The following CDH12 variants were observed in gnomAD, a reference collection of about 807,000 sequenced individuals.
CDH12 encodes cadherin-12.
CDH12 carries 41 observed loss-of-function variants against 74.1 expected under a neutral mutation model. That is an observed-to-expected ratio of 0.55 (90% confidence interval 0.43 to 0.72). The LOEUF (loss-of-function observed/expected upper bound fraction) is 0.72, where lower values mean the gene tolerates loss of function less well. Among genes scored for constraint, CDH12 ranks in the 30% least tolerant of loss-of-function variants. The pLI is 0.00. For synonymous variants in CDH12, 399 were observed against 355.0 expected, an observed-to-expected ratio of 1.12 and a Z score of -1.39; for missense variants, 945 against 977.2, an observed-to-expected ratio of 0.97 and a Z score of 0.44.
chr5:22,624,817 C>A (rs1580827442), intron 1 of CDH12, among the ~76,000 whole-genome samples: 1 of 152,222 alleles, frequency 6.6e-6, no homozygotes, highest in East Asian at 1.9e-4. Context: ...TGGGTATATA[C>A]CCAAAGGATT....
At chr5:22,632,773 A>G (rs796706477) in intron 1 of CDH12, among the ~76,000 whole-genome samples, 12 of 152,250 alleles carry the variant, frequency 7.9e-5, no homozygotes, top group African/African-American at 2.9e-4. Flanking sequence ...ATGGCTGAAA[A>G]CATCCTAAAT....
intron 2 of CDH12, among the ~76,000 whole-genome samples, chr5:22,490,498 A>G (rs979857299): frequency 5.3e-5 from 8 of 152,136 alleles, no homozygotes; most frequent in African/African-American, 1.7e-4. Context: ...TGAGAAAGAG[A>G]AAGTGCTGAT....
At chr5:22,475,553 A>G (rs1165061259) in intron 2 of CDH12, among the ~76,000 whole-genome samples, 1 of 152,144 alleles carries the variant, frequency 6.6e-6, no homozygotes, top group African/African-American at 2.4e-5. Context: ...TATAGTTTCT[A>G]TTTCATATTA....
At chr5:21,977,411 T>A (rs1443085858) in intron 5 of CDH12, among the ~76,000 whole-genome samples, 1 of 152,102 alleles carries the variant, frequency 6.6e-6, no homozygotes, top group Non-Finnish European at 1.5e-5. Flanking sequence ...TCCTTTTGCT[T>A]TCAAATTTAT....
At chr5:22,306,395 A>G (rs1738116129) in intron 3 of CDH12, among the ~76,000 whole-genome samples, 1 of 152,152 alleles carries the variant, frequency 6.6e-6, no homozygotes, top group Non-Finnish European at 1.5e-5. Flanking sequence ...AGAGAGAGAG[A>G]GAGATTACAG....
intron 1 of CDH12, among the ~76,000 whole-genome samples, chr5:22,561,006 A>G (rs1278276725): frequency 1.3e-5 from 2 of 152,192 alleles, no homozygotes; most frequent in African/African-American, 4.8e-5. Flanking sequence ...GCTCTTTGCC[A>G]CATCACAAAT....
chr5:22,391,557 G>A (rs1742249668), intron 3 of CDH12, among the ~76,000 whole-genome samples: 1 of 151,752 alleles, frequency 6.6e-6, no homozygotes, highest in African/African-American at 2.4e-5. Context: ...CATTTTTTAT[G>A]CCAATACGTT....
intron 1 of CDH12, among the ~76,000 whole-genome samples, chr5:22,644,478 A>T (rs1439298204): frequency 6.6e-6 from 1 of 152,066 alleles, no homozygotes; most frequent in Non-Finnish European, 1.5e-5. Flanking sequence ...AATTCTATGA[A>T]GGTTGAGAGA....
At chr5:22,646,439 G>A (rs1290142926) in intron 1 of CDH12, among the ~76,000 whole-genome samples, 1 of 151,776 alleles carries the variant, frequency 6.6e-6, no homozygotes, top group African/African-American at 2.4e-5. Context: ...GAAAATTTCT[G>A]AATTATAATC....
intron 6 of CDH12, among the ~76,000 whole-genome samples, chr5:21,968,724 A>T (rs1440068909): frequency 1.3e-5 from 2 of 152,108 alleles, no homozygotes; most frequent in Non-Finnish European, 2.9e-5. Flanking sequence ...GTAGTAAGTA[A>T]CTGGCCTCTT....
At chr5:22,143,394 G>A (rs2150300721) in intron 4 of CDH12, 1 of 143,808 alleles carries the variant, frequency 7.0e-6, no homozygotes, top group East Asian at 2.0e-4. Context: ...TTTTGAGATG[G>A]AGTCTCACTC....
intron 8 of CDH12, among the ~76,000 whole-genome samples, chr5:21,830,936 G>A (rs774545467): frequency 1.4e-4 from 22 of 152,074 alleles, no homozygotes; most frequent in Non-Finnish European, 2.6e-4. Flanking sequence ...CTACTCGGGA[G>A]GCTGAGGCAG....
At chr5:22,808,722 A>C (rs1748950776) in intron 1 of CDH12, among the ~76,000 whole-genome samples, 2 of 139,148 alleles carry the variant, frequency 1.4e-5, no homozygotes, top group Admixed American at 7.6e-5. Context: ...CTCCTGCCTC[A>C]GCCTGTAGCT....
intron 2 of CDH12, among the ~76,000 whole-genome samples, chr5:22,425,008 T>TGAA (rs1177709694): frequency 1.3e-5 from 2 of 150,246 alleles, no homozygotes; most frequent in Non-Finnish European, 3.0e-5. Flanking sequence ...CTTCCATACA[T>TGAA]GATATATCTG....
chr5:22,091,546 G>T (rs979569340), intron 4 of CDH12, among the ~76,000 whole-genome samples: 1 of 151,856 alleles, frequency 6.6e-6, no homozygotes, highest in Non-Finnish European at 1.5e-5. Context: ...AACCATTGTT[G>T]CAAGAAATTA....
chr5:21,873,005 T>G (rs1015120220), intron 6 of CDH12, among the ~76,000 whole-genome samples: 1 of 152,116 alleles, frequency 6.6e-6, no homozygotes, highest in Admixed American at 6.6e-5. Flanking sequence ...ATTATATATA[T>G]GCATATATAG....
At chr5:21,995,555 C>T (rs1359962088) in intron 5 of CDH12, among the ~76,000 whole-genome samples, 1 of 151,806 alleles carries the variant, frequency 6.6e-6, no homozygotes, top group Non-Finnish European at 1.5e-5. Context: ...GCTTAGCAGC[C>T]ACCTCATTAT....
intron 3 of CDH12, among the ~76,000 whole-genome samples, chr5:22,400,296 G>A (rs757257634): frequency 2.6e-5 from 4 of 151,968 alleles, no homozygotes; most frequent in Non-Finnish European, 5.9e-5. Context: ...GTACAACAAG[G>A]ACTTACATCT....
chr5:22,118,382 G>A (rs145974825), intron 4 of CDH12, among the ~76,000 whole-genome samples: 3 of 151,956 alleles, frequency 2.0e-5, no homozygotes, highest in African/African-American at 4.8e-5. Context: ...GGAAATATTC[G>A]TTGTTGTCGT....
Sources: allele counts gnomAD v4.1 joint callset (sites outside exome capture counted in the v4.1 genomes callset), GRCh38; gene constraint gnomAD v4.1.1; transcripts MANE v1.5; gene names NCBI Gene and HGNC (gene_info 2026-07-23, HGNC 2026-07-21).